Variants in CDH2 observed in about 807,000 individuals in gnomAD.
The protein encoded by CDH2 is cadherin 2.
Under a neutral mutation model 92.0 loss-of-function variants are expected in CDH2, and 17 were observed. The observed-to-expected ratio is 0.18, with a 90% CI of 0.13 to 0.28. CDH2 has a LOEUF of 0.28. Among genes scored for constraint, CDH2 ranks in the 10% least tolerant of loss-of-function variants. CDH2 has a pLI of 1.00. For missense variants in CDH2, 862 were observed against 1,133.1 expected (o/e 0.76, Z 3.44); for synonymous variants, 419 against 415.9 (o/e 1.01, Z -0.09).
rs5823568 is a variant in CDH2, at chr18:27,955,761, GTTTTTTTTTTTTTT to G, written c.2515-3416_2515-3403del. On this transcript the variant is annotated intron_variant, in intron 15 of 15. Coordinates refer to ENST00000269141, the MANE Select transcript of CDH2 (RefSeq NM_001792.5). The stretch of plus-strand genomic sequence containing the variant: ...ACAAATCTCTGTTTTCTTTATTTCT[GTTTTTTTTTTTTTT>G]TTTTTAAAGAGGTTAAGGCCATAAA... Among the ~76,000 whole-genome samples, 17 of 111,712 alleles carry G rather than the reference GTTTTTTTTTTTTTT, an allele frequency of 1.5e-4. No individual in the cohort carries two copies. The East Asian group carries it at 4.2e-3, about 28-fold the overall frequency. 73.3% of individuals were successfully genotyped at this position (111,712 alleles called of 152,430 possible). A position where few individuals can be genotyped will look rare whatever the true frequency, so the allele number is the denominator to read the frequency against.
In CDH2 at chr18:27,951,887, C is replaced by T. The variant is rs202046234; in HGVS notation, c.*266G>A. 3.7e-5 allele frequency: 16 copies of T among 432,282 alleles called. No homozygotes were observed. The highest frequency in any genetic ancestry group is 5.5e-5 in the Non-Finnish European group (13 of 236,332). 26.8% of individuals were successfully genotyped at this position (432,282 alleles called of 1,614,324 possible). A position where few individuals can be genotyped will look rare whatever the true frequency, so the allele number is the denominator to read the frequency against. ...TAAAGCCTTAAACAGAAAACTAATT[C>T]CAATCTGAAAAAGGTACAAAAAGGC... On this transcript the variant is annotated 3_prime_UTR_variant, in exon 16 of 16. Transcript: ENST00000269141.
intron 2 of CDH2, among the ~76,000 whole-genome samples, chr18:28,020,349 T>G (rs1270365613): frequency 1.3e-5 from 2 of 151,978 alleles, no homozygotes; most frequent in Non-Finnish European, 2.9e-5. Context: ...TCAAAAAGAC[T>G]TTAAGGCTTA....
intron 2 of CDH2, among the ~76,000 whole-genome samples, chr18:28,073,412 C>T (rs953177199): frequency 5.3e-5 from 8 of 151,838 alleles, no homozygotes; most frequent in Admixed American, 5.3e-4. Context: ...GATAGGATCT[C>T]TTAGTTGATT....
chr18:28,079,729 C>T (rs1297522579), intron 2 of CDH2, among the ~76,000 whole-genome samples: 1 of 152,168 alleles, frequency 6.6e-6, no homozygotes, highest in African/African-American at 2.4e-5. Context: ...GTCCTAAAAC[C>T]ACGGAACTGC....
Position 28,069,274 on chromosome 18 carries a change from C to G in CDH2, c.173-55365G>C, listed in dbSNP as rs2014571124. ...TGTTTATGTAGAATTTGACATGGTT[C>G]TTCAAAATTTGTTTGAGGCAACAAT... On this transcript the variant is annotated intron_variant, in intron 2 of 15. Transcript: ENST00000269141. Among the ~76,000 whole-genome samples the G allele has an allele frequency of 2.6e-5, 4 of 152,082 alleles. No homozygotes were observed. The South Asian group carries it at 8.3e-4, about 31-fold the overall frequency.
chr18:28,097,926 A>T (rs768421120), intron 2 of CDH2, among the ~76,000 whole-genome samples: 1 of 152,168 alleles, frequency 6.6e-6, no homozygotes, highest in Non-Finnish European at 1.5e-5. Context: ...CCTTTTGTTC[A>T]GAAAAAGAAA....
At chr18:28,043,495 A>ATATAAAT (rs1567976503) in intron 2 of CDH2, among the ~76,000 whole-genome samples, 17 of 87,368 alleles carry the variant, frequency 1.9e-4, no homozygotes, top group Admixed American at 3.5e-4. Flanking sequence ...TATATATATA[A>ATATAAAT]ATATATATAT....
At chr18:27,942,438 A>G (rs1909161674) in intron 6 of CDH2, among the ~76,000 whole-genome samples, 1 of 152,174 alleles carries the variant, frequency 6.6e-6, no homozygotes. Flanking sequence ...GGACACAGAG[A>G]GAATGAACAA....
chr18:28,088,395 T>G (rs1477807928), intron 2 of CDH2, among the ~76,000 whole-genome samples: 2 of 152,204 alleles, frequency 1.3e-5, no homozygotes, highest in Non-Finnish European at 2.9e-5. Flanking sequence ...TAATGTTAAT[T>G]TATCAATCTG....
In CDH2 at chr18:27,938,642, C is replaced by CT. The variant is rs1214356274; in HGVS notation, c.1152-5519dup. On this transcript the variant is annotated intron_variant, in intron 6 of 6. Transcript: ENST00000675173. ...GAATTATTAATAATTATACTATACC[C>CT]TTTCACTCTAGTAAGTTATACTTGA... Among the ~76,000 whole-genome samples the CT allele has an allele frequency of 2.6e-5, 4 of 152,232 alleles. No individual in the cohort carries two copies. The South Asian group carries it at 6.2e-4, about 24-fold the overall frequency.
At chr18:28,038,422 A>AGTGTGTGTGTGTGTGT (rs57601293) in intron 2 of CDH2, among the ~76,000 whole-genome samples, 6 of 142,382 alleles carry the variant, frequency 4.2e-5, no homozygotes, top group African/African-American at 1.6e-4. Flanking sequence ...CCTTGTCTCA[A>AGTGTGTGTGTGTGTGT]GTGTGTGTGT....
intron 2 of CDH2, among the ~76,000 whole-genome samples, chr18:28,020,666 G>A (rs535388141): frequency 5.7e-4 from 87 of 152,052 alleles, no homozygotes; most frequent in African/African-American, 2.0e-3. Flanking sequence ...AAGAAGAGAT[G>A]ATGACAAATT....
At chr18:28,060,647 C>T (rs2053599) in intron 2 of CDH2, among the ~76,000 whole-genome samples, 25,238 of 152,108 alleles carry the variant, frequency 0.17, 2,419 homozygotes, top group East Asian at 0.3. Context: ...GGTTTTGTTC[C>T]TCATCTTCAA....
chr18:28,043,020 C>A (rs2013977963), intron 2 of CDH2, among the ~76,000 whole-genome samples: 2 of 152,026 alleles, frequency 1.3e-5, no homozygotes, highest in South Asian at 2.1e-4. Context: ...CAGTTGTTGC[C>A]AATATTAAAG....
chr18:28,073,222 A>G lies in CDH2; in HGVS notation c.173-59313T>C, dbSNP rs545515099. 4.6e-5 allele frequency among the ~76,000 whole-genome samples: 7 copies of G among 152,278 alleles called. No homozygotes were observed. The East Asian group carries it at 1.4e-3, about 29-fold the overall frequency. Reference sequence around the variant, plus strand: ...TAAATGAAATATTTACTACATCGATAAATTTGCCAAAAAATTTACTGGCCC... The same window carrying G: ...TAAATGAAATATTTACTACATCGATGAATTTGCCAAAAAATTTACTGGCCC... On this transcript the variant is annotated intron_variant, in intron 2 of 15. Transcript: ENST00000269141.
intron 14 of CDH2, among the ~76,000 whole-genome samples, chr18:27,964,113 AT>A (rs2011479937): frequency 6.6e-6 from 1 of 152,198 alleles, no homozygotes; most frequent in African/African-American, 2.4e-5. Context: ...TACAGGGAAT[AT>A]ATGTGGCCCA....
In CDH2 at chr18:27,992,636, T is replaced by C. The variant is rs773867165; in HGVS notation, c.1344+19A>G. 21 of 1,598,370 alleles carry C rather than the reference T, an allele frequency of 1.3e-5. No homozygotes were observed. The highest frequency in any genetic ancestry group is 1.7e-5 in the Non-Finnish European group (20 of 1,170,960). On this transcript the variant is annotated intron_variant, in intron 9 of 15. Coordinates refer to ENST00000269141, the MANE Select transcript of CDH2 (RefSeq NM_001792.5). ...GCTGAGCAGCTGTTGGAGAGATCAG[T>C]GGCCCGAGGAACACTTACTTTGACC... is the stretch of plus-strand genomic sequence containing the variant.
At chr18:28,125,536 G>T (rs1286247961) in intron 2 of CDH2, among the ~76,000 whole-genome samples, 2 of 152,062 alleles carry the variant, frequency 1.3e-5, no homozygotes, top group Non-Finnish European at 1.5e-5. Context: ...TATGAGAATG[G>T]ACTTATCCAC....
At chr18:28,137,702 A>G (rs1334187745) in intron 2 of CDH2, among the ~76,000 whole-genome samples, 1 of 152,178 alleles carries the variant, frequency 6.6e-6, no homozygotes, top group Non-Finnish European at 1.5e-5. Context: ...AAAGTCCTCA[A>G]GATGAAATGG....
Sources: allele counts gnomAD v4.1 joint callset (sites outside exome capture counted in the v4.1 genomes callset), GRCh38; gene constraint gnomAD v4.1.1; transcripts MANE v1.5; gene names NCBI Gene and HGNC (gene_info 2026-07-23, HGNC 2026-07-21).